The following BRAF variants were observed in gnomAD, a reference collection of about 807,000 sequenced individuals.
The protein encoded by BRAF is serine/threonine-protein kinase B-raf.
Under a neutral mutation model 104.6 loss-of-function variants are expected in BRAF, and 16 were observed. The ratio of observed to expected loss-of-function variants is 0.15; its 90% confidence interval spans 0.10 to 0.23. The LOEUF (loss-of-function observed/expected upper bound fraction) is 0.23, where lower values mean the gene tolerates loss of function less well. BRAF is among the 10% of genes least tolerant of loss of function. The pLI, the probability that BRAF is intolerant of heterozygous loss-of-function variation, is 1.00. For synonymous variants in BRAF, 310 were observed against 341.6 expected (o/e 0.91, Z 1.02); for missense variants, 541 against 937.3 (o/e 0.58, Z 5.52).
intron 1 of BRAF, among the ~76,000 whole-genome samples, chr7:140,870,588 T>G (rs1811465657): frequency 1.3e-5 from 2 of 151,272 alleles, no homozygotes; most frequent in African/African-American, 4.9e-5. Flanking sequence ...TCTTTTTACT[T>G]CCAAGTCTCT....
intron 18 of BRAF, 133 bp downstream of exon 17, chr7:140,739,677 AAT>A: frequency 2.0e-6 from 2 of 1,008,218 alleles, no homozygotes; most frequent in Non-Finnish European, 3.0e-6. Flanking sequence ...AAGCCATCTT[AAT>A]GTGTTTTCTT....
intron 8 of BRAF, among the ~76,000 whole-genome samples, chr7:140,788,426 T>C (rs1011911642): frequency 1.3e-5 from 2 of 152,228 alleles, no homozygotes; most frequent in Non-Finnish European, 2.9e-5. Flanking sequence ...TGAAGTATTA[T>C]GCAGCTACCA....
At chr7:140,752,152 ATAAC>A (rs1360346830) in intron 16 of BRAF, among the ~76,000 whole-genome samples, 2 of 152,222 alleles carry the variant, frequency 1.3e-5, no homozygotes, top group Admixed American at 6.5e-5. Flanking sequence ...TTAATGAAAA[ATAAC>A]TATTATCAAA....
At chr7:140,750,166 A>G (rs1394998268) in intron 16 of BRAF, among the ~76,000 whole-genome samples, 1 of 152,240 alleles carries the variant, frequency 6.6e-6, no homozygotes, top group Admixed American at 6.5e-5. Context: ...TTAGCTTAAA[A>G]GAGTTATTCT....
chr7:140,816,894 T>C (rs1427914153), intron 3 of BRAF, among the ~76,000 whole-genome samples: 2 of 151,834 alleles, frequency 1.3e-5, no homozygotes, highest in Non-Finnish European at 2.9e-5. Flanking sequence ...TTCTAAGACC[T>C]GGAACAAGAC....
chr7:140,726,566 C>T, intron 19 of BRAF: 1 of 1,429,444 alleles, frequency 7.0e-7, no homozygotes, highest in African/African-American at 1.4e-5. Flanking sequence ...CTCAAATAAC[C>T]TAGAGACACA....
intron 16 of BRAF, among the ~76,000 whole-genome samples, chr7:140,749,811 A>G (rs1367073413): frequency 2.6e-5 from 4 of 152,212 alleles, no homozygotes; most frequent in African/African-American, 9.6e-5. Flanking sequence ...GGAGCAGCAC[A>G]ACTACTGTAG....
Position 140,721,284 on chromosome 7 carries a change from T to A in BRAF, c.*5210A>T. 8.7e-7 allele frequency: 1 copy of A among 1,150,186 alleles called. No individual in the cohort carries two copies. The highest frequency in any genetic ancestry group is 1.1e-6 in the Non-Finnish European group (1 of 937,068). The allele number at this position is 1,150,186 out of a possible 1,614,324, so 71.2% of individuals were successfully genotyped here. A position where few individuals can be genotyped will look rare whatever the true frequency, so the allele number is the denominator to read the frequency against. On this transcript the variant is annotated 3_prime_UTR_variant, in exon 20 of 20. Coordinates refer to ENST00000644969, the MANE Select transcript of BRAF (RefSeq NM_001374258.1). ...AGTCACTCATTGAGTTGCCGACTAA[T>A]TGCCCCATGCATTTTTTTTTTTTAA...
chr7:140,734,085 G>T (rs1260803856), intron 19 of BRAF: 12 of 1,034,060 alleles, frequency 1.2e-5, no homozygotes, highest in Non-Finnish European at 2.3e-6. Flanking sequence ...GTTATAAAAA[G>T]AAATAGTTAT....
intron 5 of BRAF, among the ~76,000 whole-genome samples, chr7:140,806,731 TA>T (rs1803692772): frequency 6.6e-6 from 1 of 152,200 alleles, no homozygotes; most frequent in African/African-American, 2.4e-5. Flanking sequence ...TTCAACATGT[TA>T]AAAAATTATT....
intron 1 of BRAF, among the ~76,000 whole-genome samples, chr7:140,878,977 C>A (rs183747830): frequency 9.4e-4 from 143 of 152,004 alleles, no homozygotes; most frequent in Admixed American, 1.8e-3. Flanking sequence ...CAGGTTTAAG[C>A]GATTCTCCTG....
intron 19 of BRAF, chr7:140,732,660 AAAG>A (rs1796074599): frequency 6.6e-6 from 1 of 152,270 alleles, no homozygotes; most frequent in Admixed American, 6.5e-5. Flanking sequence ...ACTAGTAAAG[AAAG>A]AAAGGAAAGG....
chr7:140,856,801 G>C (rs752076757), intron 1 of BRAF, among the ~76,000 whole-genome samples: 3 of 152,222 alleles, frequency 2.0e-5, no homozygotes, highest in East Asian at 1.9e-4. Flanking sequence ...AAATAAAAAA[G>C]TTCAGTTCTT....
chr7:140,911,043 G>A (rs1446098199), intron 1 of BRAF, among the ~76,000 whole-genome samples: 1 of 152,120 alleles, frequency 6.6e-6, no homozygotes, highest in Non-Finnish European at 1.5e-5. Flanking sequence ...GAAAAGCCAT[G>A]GTTAAAGACA....
At chr7:140,921,829 T>A (rs1818260267) in intron 1 of BRAF, among the ~76,000 whole-genome samples, 1 of 151,796 alleles carries the variant, frequency 6.6e-6, no homozygotes, top group South Asian at 2.1e-4. Context: ...ATTTTACTGT[T>A]AGGTAAAATA....
At position 140,723,078 on chromosome 7, in the gene BRAF, G is replaced by T. The variant is rs762527326; in HGVS notation, c.*3416C>A. 372 of 1,051,370 alleles carry T rather than the reference G, an allele frequency of 3.5e-4. No individual in the cohort carries two copies. The highest frequency in any genetic ancestry group is 4.2e-4 in the Non-Finnish European group (364 of 870,668). The allele number at this position is 1,051,370 out of a possible 1,614,324, so 65.1% of individuals were successfully genotyped here. A position where few individuals can be genotyped will look rare whatever the true frequency, so the allele number is the denominator to read the frequency against. Reference sequence around the variant, plus strand: ...ACTATTCATTACCTCATTCTGAAGAGGTAGTTTTTTGTAGAGGTCACCTGA... The same window carrying T: ...ACTATTCATTACCTCATTCTGAAGATGTAGTTTTTTGTAGAGGTCACCTGA... On this transcript the variant is annotated 3_prime_UTR_variant, in exon 20 of 20. Transcript: ENST00000644969.
chr7:140,795,863 C>T (rs1802443706), intron 7 of BRAF, among the ~76,000 whole-genome samples: 2 of 152,004 alleles, frequency 1.3e-5, no homozygotes, highest in Non-Finnish European at 2.9e-5. Flanking sequence ...CATCTAGGTC[C>T]TTTTTATTTT....
At position 140,832,959 on chromosome 7, in the gene BRAF, C is replaced by T. The variant is rs561314741; in HGVS notation, c.504+1650G>A. On this transcript the variant is annotated intron_variant, in intron 3 of 19. Coordinates refer to ENST00000644969, the MANE Select transcript of BRAF (RefSeq NM_001374258.1). ...CGCGATCTCGGCTCACTGCAAGCTC[C>T]GCCTCCCGGGTTCACAGCACTATCC... is the stretch of plus-strand genomic sequence containing the variant. Among the ~76,000 whole-genome samples the T allele has an allele frequency of 4.6e-5, 7 of 151,508 alleles. No individual in the cohort carries two copies. The East Asian group carries it at 5.8e-4, about 13-fold the overall frequency.
chr7:140,807,901 T>A, intron 5 of BRAF, 59 bp downstream of exon 5: 1 of 1,371,442 alleles, frequency 7.3e-7, no homozygotes, highest in Non-Finnish European at 1.0e-6. Context: ...TAAATAAAAA[T>A]TCATTCATTA....
Sources: allele counts gnomAD v4.1 joint callset (sites outside exome capture counted in the v4.1 genomes callset), GRCh38; gene constraint gnomAD v4.1.1; transcripts MANE v1.5; gene names NCBI Gene and HGNC (gene_info 2026-07-23, HGNC 2026-07-21).